IL1RL2: variants seen among roughly 807,000 people sequenced by gnomAD.
The protein encoded by IL1RL2 is interleukin 1 receptor like 2, also known as interleukin-1 receptor-like 2.
A neutral mutation model predicts 66.8 loss-of-function variants in IL1RL2; 68 were observed. The ratio of observed to expected loss-of-function variants is 1.02; its 90% CI spans 0.84 to 1.25. The LOEUF is 1.25. IL1RL2 is among the 50% of genes most tolerant of loss of function. IL1RL2 has a pLI of 0.00. For missense variants in IL1RL2, 729 were observed against 709.3 expected, an observed-to-expected ratio of 1.03 and a Z score of -0.32; for synonymous variants, 305 against 264.6, an observed-to-expected ratio of 1.15 and a Z score of -1.48.
At chr2:102,237,402 G>A (rs899842032) in intron 11 of IL1RL2, among the ~76,000 whole-genome samples, 7 of 152,192 alleles carry the variant, frequency 4.6e-5, no homozygotes, top group African/African-American at 1.2e-4. Flanking sequence ...CATGCACTCC[G>A]CAGAAGGAAG....
chr2:102,204,627 G>T (rs543306903), intron 5 of IL1RL2, among the ~76,000 whole-genome samples: 9 of 150,974 alleles, frequency 6.0e-5, no homozygotes, highest in African/African-American at 2.2e-4. Context: ...GACTTGCTTT[G>T]TCTTTTTTTA....
chr2:102,210,536 T>C (rs750340639), intron 5 of IL1RL2, among the ~76,000 whole-genome samples: 18 of 152,104 alleles, frequency 1.2e-4, no homozygotes, highest in Non-Finnish European at 2.1e-4. Flanking sequence ...AAGGCACAGG[T>C]AACATGATGT....
downstream of IL1RL2, among the ~76,000 whole-genome samples, chr2:102,241,899 G>A (rs1229316044): frequency 1.3e-5 from 2 of 152,208 alleles, no homozygotes; most frequent in East Asian, 3.8e-4. Context: ...TGTGTTAGAG[G>A]TGACATACTG....
rs185005773 is a variant in IL1RL2, at chr2:102,235,396, G to A, written c.1678+119G>A. The A allele has an allele frequency of 1.8e-3, 2,647 of 1,487,180 alleles. 4 individuals carry two copies. Among genetic ancestry groups the A allele is most frequent in the Non-Finnish European group, 2.0e-3 (2,231 of 1,123,406 alleles). The allele number at this position is 1,487,180 out of a possible 1,614,324, so 92.1% of individuals were successfully genotyped here. ...GGGGCCGTCTGCTCTGAAGCTGGCA[G>A]TTGCGTACTAGTGAGAGGATCTGTT... On this transcript the variant is annotated intron_variant, in intron 11 of 11. Coordinates refer to ENST00000264257, the MANE Select transcript of IL1RL2 (RefSeq NM_003854.4).
At chr2:102,193,745 A>T (rs919546745) in intron 4 of IL1RL2, among the ~76,000 whole-genome samples, 2 of 152,154 alleles carry the variant, frequency 1.3e-5, no homozygotes, top group Non-Finnish European at 2.9e-5. Flanking sequence ...TATAAAATGT[A>T]CCTTTTTATT....
Position 102,201,669 on chromosome 2 carries a change from C to T in IL1RL2, c.603C>T (p.His201=), listed in dbSNP as rs576789803. 1 of 1,614,084 alleles carries T rather than the reference C, an allele frequency of 6.2e-7. No individual in the cohort carries two copies. The part of the protein sequence containing the change: ...GNYACQAILT[H]SGKQYEVLNG... ...ACGCGTGTCAAGCCATACTGACACA[C>T]TCAGGGAAGCAGTACGAGGTTTTAA... The change falls in exon 5 of 12, where the codon CAC becomes CAT. Residue 201 remains histidine, a synonymous_variant. Transcript: ENST00000264257.
intron 6 of IL1RL2, among the ~76,000 whole-genome samples, chr2:102,212,775 T>C (rs916649633): frequency 6.6e-6 from 1 of 152,022 alleles, no homozygotes; most frequent in African/African-American, 2.4e-5. Flanking sequence ...AAGACCATCC[T>C]GGCTAACACG....
intron 5 of IL1RL2, among the ~76,000 whole-genome samples, chr2:102,210,070 C>T (rs1196167753): frequency 6.6e-6 from 1 of 152,092 alleles, no homozygotes; most frequent in African/African-American, 2.4e-5. Context: ...AATCTGAGCT[C>T]AAACAGACCA....
At chr2:102,236,920 CT>C (rs575015428) in intron 11 of IL1RL2, among the ~76,000 whole-genome samples, 3 of 152,180 alleles carry the variant, frequency 2.0e-5, no homozygotes, top group Non-Finnish European at 4.4e-5. Flanking sequence ...ACTTATAAAA[CT>C]CCAGTTAAAG....
intron 4 of IL1RL2, among the ~76,000 whole-genome samples, chr2:102,196,382 G>A (rs1423581453): frequency 1.3e-5 from 2 of 152,142 alleles, no homozygotes; most frequent in Non-Finnish European, 2.9e-5. Context: ...GGTGATCCAG[G>A]TATGGCTGTT....
Position 102,201,560 on chromosome 2 carries a change from G to A in IL1RL2, c.494G>A (p.Cys165Tyr). The A allele has an allele frequency of 6.2e-7, 1 of 1,613,980 alleles. No individual in the cohort carries two copies. The highest frequency in any genetic ancestry group is 1.1e-5 in the South Asian group (1 of 91,066). ...VLGPIKWYKD[C>Y]NEIKGERFTV... ...TTTTGTTTTTATTTGTATTAGGACT[G>A]TAACGAGATTAAAGGGGAGCGGTTC... is the stretch of plus-strand genomic sequence containing the variant. Residue 165 changes from cysteine to tyrosine, a missense_variant, in exon 5 of 12, where the codon TGT (cysteine) becomes TAT (tyrosine). Cys to Tyr is a radical substitution (Grantham distance 194, BLOSUM62 -2). Transcript: ENST00000264257.
chr2:102,232,946 G>C lies in IL1RL2; in HGVS notation c.1136-17G>C, dbSNP rs755085815. 1 of 1,602,144 alleles carries C rather than the reference G, an allele frequency of 6.2e-7. No individual in the cohort carries two copies. Among genetic ancestry groups the C allele is most frequent in the South Asian group, 1.1e-5 (1 of 90,360 alleles). On this transcript the variant is annotated splice_polypyrimidine_tract_variant and intron_variant, in intron 9 of 11. Coordinates refer to ENST00000264257, the MANE Select transcript of IL1RL2 (RefSeq NM_003854.4). ...TTGGTAGCAACAATTCCACAAGCTT[G>C]TCCAATTCCTTTTCAGATGGGAAGC...
At chr2:102,192,941 C>T (rs1687358925) in intron 4 of IL1RL2, among the ~76,000 whole-genome samples, 2 of 152,138 alleles carry the variant, frequency 1.3e-5, no homozygotes, top group Middle Eastern at 3.4e-3. Flanking sequence ...CATTAAAGGT[C>T]TCATATATTC....
intron 11 of IL1RL2, chr2:102,235,605 C>T (rs1559567772): frequency 1.0e-6 from 1 of 985,392 alleles, no homozygotes; most frequent in Non-Finnish European, 1.2e-6. Context: ...TGGCAGTGGA[C>T]ATGCCCGGAA....
chr2:102,199,209 A>G (rs1333024746), intron 4 of IL1RL2, among the ~76,000 whole-genome samples: 1 of 152,180 alleles, frequency 6.6e-6, no homozygotes, highest in Non-Finnish European at 1.5e-5. Flanking sequence ...ATAAAATCTA[A>G]ATGGTCTTTA....
intron 4 of IL1RL2, among the ~76,000 whole-genome samples, chr2:102,195,585 CTT>C (rs1293491980): frequency 2.1e-3 from 121 of 58,700 alleles, no homozygotes; most frequent in South Asian, 5.5e-3. Context: ...TTCTTTCTTT[CTT>C]TCTTTCTTTC....
intron 8 of IL1RL2, among the ~76,000 whole-genome samples, chr2:102,223,084 TC>T (rs1690283704): frequency 6.6e-6 from 1 of 152,118 alleles, no homozygotes; most frequent in Admixed American, 6.6e-5. Flanking sequence ...AGGGATGGAG[TC>T]CTTTATCCCC....
intron 8 of IL1RL2, among the ~76,000 whole-genome samples, chr2:102,225,359 G>C (rs1690507541): frequency 6.6e-6 from 1 of 152,236 alleles, no homozygotes; most frequent in Admixed American, 6.5e-5. Flanking sequence ...TTGGCTCTTG[G>C]CCTGTCTTGT....
intron 5 of IL1RL2, among the ~76,000 whole-genome samples, chr2:102,205,059 T>C (rs1688591478): frequency 6.6e-6 from 1 of 152,034 alleles, no homozygotes; most frequent in Admixed American, 6.6e-5. Flanking sequence ...GGCTTGAAAA[T>C]ACTATTTTAT....
Sources: gnomAD v4.1 joint callset for allele counts (sites outside exome capture counted in the v4.1 genomes callset) on GRCh38, gnomAD v4.1.1 for gene constraint, MANE v1.5 for transcripts, NCBI Gene and HGNC (gene_info 2026-07-23, HGNC 2026-07-21) for gene names.